The following NOCT variants were observed in gnomAD, a reference collection of about 807,000 sequenced individuals.
NOCT encodes nocturnin.
NOCT carries 18 observed loss-of-function variants against 35.0 expected under a neutral mutation model. The observed-to-expected ratio is 0.51, with a 90% CI of 0.36 to 0.76. The LOEUF (loss-of-function observed/expected upper bound fraction) is 0.76. Ranked by LOEUF, NOCT falls within the 30% of genes least tolerant of loss-of-function variation. The probability of loss-of-function intolerance (pLI) is 0.01; values close to 1 mark genes in which losing one functional copy is unlikely to be tolerated. For missense variants in NOCT, 479 were observed against 541.0 expected (o/e 0.89, Z 1.14); for synonymous variants, 235 against 226.3 (o/e 1.04, Z -0.34).
intron 1 of NOCT, among the ~76,000 whole-genome samples, chr4:139,023,866 A>G (rs1054688007): frequency 6.6e-6 from 1 of 152,136 alleles, no homozygotes; most frequent in African/African-American, 2.4e-5. Context: ...TATCTTTGGT[A>G]TTCAAAAGAT....
intron 1 of NOCT, among the ~76,000 whole-genome samples, chr4:139,031,441 G>T (rs539785692): frequency 6.6e-6 from 1 of 151,956 alleles, no homozygotes; most frequent in Non-Finnish European, 1.5e-5. Context: ...GAGCCACCAC[G>T]CCCGGCCTGC....
At position 139,045,882 on chromosome 4, in the gene NOCT, C is replaced by T. The variant is rs1726930886; in HGVS notation, c.*408C>T. 1 of 155,850 alleles carries T rather than the reference C, an allele frequency of 6.4e-6. No individual in the cohort carries two copies. The allele number at this position is 155,850 out of a possible 1,614,324, so 9.7% of individuals were successfully genotyped here. On this transcript the variant is annotated 3_prime_UTR_variant, in exon 3 of 3. Coordinates refer to ENST00000280614, the MANE Select transcript of NOCT (RefSeq NM_012118.4). ...GTTTCCAGCATGCCCTTGGAAAAGA[C>T]TCCCTTTAGTCCCTTTTTCAATTAA...
rs919631264 is a variant in NOCT, at chr4:139,043,284, C to A, written c.401C>A (p.Thr134Lys). The A allele has an allele frequency of 6.2e-7, 1 of 1,614,144 alleles. No individual in the cohort carries two copies. Among genetic ancestry groups the A allele is most frequent in the Non-Finnish European group, 8.5e-7 (1 of 1,179,998 alleles). Residue 134 changes from threonine (T) to lysine (K), a missense_variant, in exon 2 of 3, where the codon ACA (threonine) becomes AAA (lysine). Physicochemically the swap from Thr to Lys is moderately conservative, Grantham distance 78. This residue lies in a region of NOCT where 265 missense variants were observed against 257.0 expected (regional missense o/e 1.03). Transcript: ENST00000280614. ...RFQRDFVDLR[T>K]DCPSTHPPIR... ...CAGAGGGATTTTGTGGATCTGAGGACAGATTGCCCTAGTACCCACCCACCT... is the reference window on the plus strand; with the variant it reads ...CAGAGGGATTTTGTGGATCTGAGGAAAGATTGCCCTAGTACCCACCCACCT...
chr4:139,018,541 A>G (rs1726357343), intron 1 of NOCT, among the ~76,000 whole-genome samples: 1 of 152,152 alleles, frequency 6.6e-6, no homozygotes, highest in Non-Finnish European at 1.5e-5. Flanking sequence ...AGTCTAGACA[A>G]TTTTCCTGTT....
intron 1 of NOCT, among the ~76,000 whole-genome samples, chr4:139,029,081 C>T (rs1726577314): frequency 6.6e-6 from 1 of 152,114 alleles, no homozygotes; most frequent in East Asian, 1.9e-4. Context: ...TCAAGTGATC[C>T]ACCCACCTTG....
In NOCT at chr4:139,045,497, T is replaced by G. The variant is rs745928809; in HGVS notation, c.*23T>G. ...TAAATACTTGCTTTTGTCTTTTTAA[T>G]CACAGGAGTCTATTTTTTTTTTTTT... On this transcript the variant is annotated 3_prime_UTR_variant, in exon 3 of 3. Transcript: ENST00000280614. The G allele has an allele frequency of 5.3e-6, 4 of 758,630 alleles. No individual in the cohort carries two copies. The African/African-American group carries it at 7.1e-5, about 14-fold the overall frequency. The allele number at this position is 758,630 out of a possible 1,614,324, so 47.0% of individuals were successfully genotyped here.
At chr4:139,025,018 G>A (rs1429126976) in intron 1 of NOCT, among the ~76,000 whole-genome samples, 2 of 152,146 alleles carry the variant, frequency 1.3e-5, no homozygotes, top group Non-Finnish European at 1.5e-5. Context: ...AGAAAGGAGG[G>A]TTTCCTTCTA....
intron 1 of NOCT, among the ~76,000 whole-genome samples, chr4:139,039,370 ATTTTTT>A (rs11353325): frequency 6.6e-6 from 1 of 150,778 alleles, no homozygotes; most frequent in Admixed American, 6.6e-5. Context: ...TGACAATCTG[ATTTTTT>A]TTTTTACTAG....
At chr4:139,030,628 T>G (rs1197955068) in intron 1 of NOCT, among the ~76,000 whole-genome samples, 1 of 152,230 alleles carries the variant, frequency 6.6e-6, no homozygotes, top group African/African-American at 2.4e-5. Flanking sequence ...TATTGATTCC[T>G]TCAATATATA....
intron 1 of NOCT, among the ~76,000 whole-genome samples, chr4:139,037,904 GAAA>G (rs538193810): frequency 3.0e-5 from 4 of 133,734 alleles, no homozygotes; most frequent in African/African-American, 5.5e-5. Context: ...GCCCTTTGGG[GAAA>G]AAAAAAAAAA....
intron 1 of NOCT, among the ~76,000 whole-genome samples, chr4:139,040,538 G>A (rs11723089): frequency 4.6e-5 from 7 of 152,072 alleles, no homozygotes; most frequent in Non-Finnish European, 1.0e-4. Context: ...CTCCTCAAAC[G>A]TTTGACTCCC....
chr4:139,019,117 G>A (rs903121946), intron 1 of NOCT, among the ~76,000 whole-genome samples: 7 of 151,966 alleles, frequency 4.6e-5, no homozygotes, highest in Non-Finnish European at 7.4e-5. Context: ...GTGTAGTGGC[G>A]CCACCTCTGC....
At position 139,015,994 on chromosome 4, in the gene NOCT, C is replaced by G. The variant is rs1726288160; in HGVS notation, c.13C>G (p.Pro5Ala). ...GGCGGCGCCCGGCATGTTTCATAGT[C>G]CGCGGCGGCTCTGCTCGGCCCTGCT... Reference protein sequence around the residue: MFHSPRRLCSALLQR... With the variant: MFHSARRLCSALLQR... Residue 5 changes from proline (P) to alanine (A), a missense_variant, in exon 1 of 3, where the codon CCG (proline) becomes GCG (alanine). This residue lies in a region of NOCT where 265 missense variants were observed against 257.0 expected (regional missense o/e 1.03). Transcript: ENST00000280614. 1.4e-6 allele frequency: 2 copies of G among 1,382,272 alleles called. No individual in the cohort carries two copies. The highest frequency in any genetic ancestry group is 6.3e-5 in the East Asian group (2 of 31,684). 85.6% of individuals were successfully genotyped at this position (1,382,272 alleles called of 1,614,324 possible). A position where few individuals can be genotyped will look rare whatever the true frequency, so the allele number is the denominator to read the frequency against.
intron 2 of NOCT, 87 bp downstream of exon 2, chr4:139,043,430 T>G (rs1726875096): frequency 7.4e-7 from 1 of 1,351,444 alleles, no homozygotes; most frequent in South Asian, 1.3e-5. Flanking sequence ...CTGTTTTATG[T>G]GGAAGGAAGA....
chr4:139,015,832 G>C lies in NOCT; in HGVS notation c.-150G>C. 1.8e-6 allele frequency: 1 copy of C among 557,412 alleles called. No homozygotes were observed. The highest frequency in any genetic ancestry group is 2.6e-6 in the Non-Finnish European group (1 of 382,038). The allele number at this position is 557,412 out of a possible 1,614,324, so 34.5% of individuals were successfully genotyped here. A position where few individuals can be genotyped will look rare whatever the true frequency, so the allele number is the denominator to read the frequency against. On this transcript the variant is annotated 5_prime_UTR_variant, in exon 1 of 3. Coordinates refer to ENST00000280614, the MANE Select transcript of NOCT (RefSeq NM_012118.4). ...ACCTCCCTCTCCGGCTCTGCTGCCC[G>C]GGATTTCCCCAGAACCTGCGCCGCG...
intron 1 of NOCT, among the ~76,000 whole-genome samples, chr4:139,027,396 C>T (rs1412309257): frequency 2.0e-5 from 3 of 152,120 alleles, no homozygotes; most frequent in African/African-American, 7.2e-5. Flanking sequence ...CCATAAAGAG[C>T]CAGCTAGTAA....
At chr4:139,022,816 C>T (rs1051846693) in intron 1 of NOCT, among the ~76,000 whole-genome samples, 16 of 152,138 alleles carry the variant, frequency 1.1e-4, no homozygotes, top group African/African-American at 3.1e-4. Context: ...CGATGCTGCC[C>T]GGGTACCGTG....
Position 139,028,516 on chromosome 4 carries a change from C to G in NOCT, c.190+12345C>G, listed in dbSNP as rs927836224. On this transcript the variant is annotated intron_variant, in intron 1 of 2. Coordinates refer to ENST00000280614, the MANE Select transcript of NOCT (RefSeq NM_012118.4). The stretch of plus-strand genomic sequence containing the variant: ...CTGTGGCAGTGTGTGTGTGCTGTGA[C>G]GACAGTGACGTCGACAGATGGAGGA... 1.3e-5 allele frequency among the ~76,000 whole-genome samples: 2 copies of G among 152,306 alleles called. 1 individual carries two copies. Among genetic ancestry groups the G allele is most frequent in the South Asian group, 4.1e-4 (2 of 4,824 alleles).
intron 1 of NOCT, among the ~76,000 whole-genome samples, chr4:139,029,865 C>T (rs190210568): frequency 2.0e-5 from 3 of 152,276 alleles, no homozygotes; most frequent in East Asian, 3.9e-4. Flanking sequence ...TGGGTGCGCA[C>T]ACCACAGTTT....
Sources: gnomAD v4.1 joint callset for allele counts (sites outside exome capture counted in the v4.1 genomes callset) on GRCh38, gnomAD v4.1.1 for gene constraint, gnomAD v4.1.1 regional missense constraint, MANE v1.5 for transcripts, NCBI Gene and HGNC (gene_info 2026-07-23, HGNC 2026-07-21) for gene names.